ZNF275: variants seen among roughly 807,000 people sequenced by gnomAD.
ZNF275 encodes the protein zinc finger protein 275.
ZNF275 carries 4 observed loss-of-function variants against 4.3 expected under a neutral mutation model. The ratio of observed to expected loss-of-function variants is 0.93; its 90% CI spans 0.46 to 2.13. The LOEUF (loss-of-function observed/expected upper bound fraction) is 2.13, where lower values mean the gene tolerates loss of function less well. ZNF275 is among the 30% of genes most tolerant of loss of function. The probability of loss-of-function intolerance (pLI) is 0.02; values close to 1 mark genes in which losing one functional copy is unlikely to be tolerated. For missense variants in ZNF275, 352 were observed against 397.1 expected (o/e 0.89, Z 0.97); for synonymous variants, 173 against 166.9 (o/e 1.04, Z -0.28).
At chrX:153,337,212 C>T (rs2088451898) in intron 2 of ZNF275, among the ~76,000 whole-genome samples, 1 of 111,628 alleles carries the variant, frequency 9.0e-6, no homozygotes, top group Admixed American at 9.4e-5. Flanking sequence ...GGTGGTCTTG[C>T]TGCCTTTCCC....
chrX:153,335,549 G>C (rs1015066627), intron 1 of ZNF275: 1 of 106,757 alleles, frequency 9.4e-6, no homozygotes, highest in African/African-American at 3.4e-5. Context: ...TTTATATATA[G>C]AACCCTATTG....
At chrX:153,346,712 C>A in intron 3 of ZNF275, 107 bp from the exon 4 acceptor site, 1 of 884,786 alleles carries the variant, frequency 1.1e-6, no homozygotes, top group Non-Finnish European at 1.5e-6. Context: ...CGGGCCCAGG[C>A]CCCGTGCTCA....
intron 2 of ZNF275, among the ~76,000 whole-genome samples, chrX:153,338,851 C>A (rs1277992813): frequency 2.7e-5 from 3 of 110,474 alleles, no homozygotes; most frequent in Non-Finnish European, 3.8e-5. Context: ...TGACACTAAG[C>A]CTCACCCCCA....
chrX:153,340,579 C>T (rs1486162047), intron 2 of ZNF275, among the ~76,000 whole-genome samples: 1 of 112,732 alleles, frequency 8.9e-6, no homozygotes, highest in African/African-American at 3.2e-5. Context: ...AATTGTTATG[C>T]TTTTCTGATA....
intron 1 of ZNF275, among the ~76,000 whole-genome samples, chrX:153,336,238 A>G (rs2088444923): frequency 8.9e-6 from 1 of 112,709 alleles, no homozygotes; most frequent in Non-Finnish European, 1.9e-5. Flanking sequence ...CCACCCACAC[A>G]TACAGAAAAA....
intron 2 of ZNF275, among the ~76,000 whole-genome samples, chrX:153,337,027 G>A (rs972384738): frequency 9.0e-6 from 1 of 111,504 alleles, no homozygotes; most frequent in Non-Finnish European, 1.9e-5. Context: ...GAAGACACCC[G>A]TTGCTCTGGC....
At chrX:153,339,821 G>T (rs782734181) in intron 2 of ZNF275, among the ~76,000 whole-genome samples, 67 of 111,715 alleles carry the variant, frequency 6.0e-4, no homozygotes, top group African/African-American at 2.1e-3. Flanking sequence ...GTGTCTGGAT[G>T]TCACTGCGAT....
intron 1 of ZNF275, among the ~76,000 whole-genome samples, chrX:153,334,765 C>G (rs2088433052): frequency 9.3e-6 from 1 of 107,147 alleles, no homozygotes; most frequent in South Asian, 4.2e-4. Flanking sequence ...GGACTTTTCC[C>G]TGGTCTAGGG....
chrX:153,347,087 C>T lies in ZNF275; in HGVS notation c.402C>T (p.Cys134=), dbSNP rs1017861669. ...AGAAGGGCTGGGAATGTGGCGACTGCGGGAAGGTCTTTAGGGGGGTGGCGG... is the reference window on the plus strand; with the variant it reads ...AGAAGGGCTGGGAATGTGGCGACTGTGGGAAGGTCTTTAGGGGGGTGGCGG... The part of the protein sequence containing the change: ...SEEKGWECGD[C]GKVFRGVAEF... The change falls in exon 4 of 4, where the codon TGC becomes TGT. Residue 134 remains cysteine, a synonymous_variant. Coordinates refer to ENST00000650114, the MANE Select transcript of ZNF275 (RefSeq NM_001367757.1). The T allele has an allele frequency of 8.3e-7, 1 of 1,211,197 alleles. No individual in the cohort carries two copies. Among genetic ancestry groups the T allele is most frequent in the Non-Finnish European group, 1.1e-6 (1 of 895,313 alleles).
rs1398093644 is a variant in ZNF275 at position 153,349,325 on chromosome X, T to A, written c.*1350T>A. 1.6e-5 allele frequency: 2 copies of A among 124,054 alleles called. No individual in the cohort carries two copies. Among genetic ancestry groups the A allele is most frequent in the African/African-American group, 6.5e-5 (2 of 30,979 alleles). The allele number at this position is 124,054 out of a possible 1,213,427, so 10.2% of individuals were successfully genotyped here. The stretch of plus-strand genomic sequence containing the variant: ...TCATTGTCATAGTTATTGCCGTCAT[T>A]CTGTGGCTTGTCAATTCCAGAACTG... On this transcript the variant is annotated 3_prime_UTR_variant, in exon 4 of 4. Coordinates refer to ENST00000650114, the MANE Select transcript of ZNF275 (RefSeq NM_001367757.1).
intron 2 of ZNF275, among the ~76,000 whole-genome samples, chrX:153,337,569 C>T (rs1426869642): frequency 8.9e-6 from 1 of 112,428 alleles, no homozygotes; most frequent in Non-Finnish European, 1.9e-5. Context: ...ATCTAAAGCA[C>T]GTTAGCAGGA....
intron 2 of ZNF275, chrX:153,345,053 A>C: frequency 4.9e-6 from 1 of 203,322 alleles, no homozygotes. Context: ...TGCAAATTGC[A>C]TGGCCATTTG....
intron 3 of ZNF275, among the ~76,000 whole-genome samples, chrX:153,346,353 G>A (rs1449928644): frequency 9.2e-6 from 1 of 109,059 alleles, no homozygotes; most frequent in Non-Finnish European, 1.9e-5. Context: ...GGAGATTCGG[G>A]TTATGTTTGG....
intron 3 of ZNF275, among the ~76,000 whole-genome samples, chrX:153,346,059 T>G (rs1569528046): frequency 9.3e-6 from 1 of 107,889 alleles, no homozygotes; most frequent in Non-Finnish European, 1.9e-5. Context: ...GGGGCCCATT[T>G]GGGCTCCTGG....
rs1309759795 is a variant in ZNF275 at position 153,351,182 on chromosome X, T to C, written c.*3207T>C. 8.1e-6 allele frequency: 1 copy of C among 123,902 alleles called. No individual in the cohort carries two copies. The highest frequency in any genetic ancestry group is 1.9e-5 in the Non-Finnish European group (1 of 53,388). 10.2% of individuals were successfully genotyped at this position (123,902 alleles called of 1,213,427 possible). The stretch of plus-strand genomic sequence containing the variant: ...AACACTAAAGATCTGGTCTTTGCCG[T>C]CAAGGTTGACAGAACAGCTGTTCAT... On this transcript the variant is annotated 3_prime_UTR_variant, in exon 4 of 4. Transcript: ENST00000650114.
At position 153,346,885 on chromosome X, in the gene ZNF275, C is replaced by A. The variant is rs1556961621; in HGVS notation, c.200C>A (p.Thr67Lys). 7.4e-6 allele frequency: 9 copies of A among 1,208,115 alleles called. No homozygotes were observed. Among genetic ancestry groups the A allele is most frequent in the Non-Finnish European group, 9.0e-6 (8 of 893,780 alleles). The change falls in exon 4 of 4, where the codon ACA becomes AAA. Residue 67 changes from threonine (T) to lysine (K), a missense_variant. Coordinates refer to ENST00000650114, the MANE Select transcript of ZNF275 (RefSeq NM_001367757.1). ...GCCCAGCCACAGGAGATGGCGTCCACAAGCTTCCCAAGGGCCAGTGGTCCC... is the reference window on the plus strand; with the variant it reads ...GCCCAGCCACAGGAGATGGCGTCCAAAAGCTTCCCAAGGGCCAGTGGTCCC... ...EDAQPQEMAS[T>K]SFPRASGPSP...
At chrX:153,337,012 C>T (rs984354135) in intron 2 of ZNF275, among the ~76,000 whole-genome samples, 6 of 111,250 alleles carry the variant, frequency 5.4e-5, no homozygotes, top group African/African-American at 2.0e-4. Flanking sequence ...TGAGTGGAAA[C>T]CTTTGAAGAC....
rs782305774 is a variant in ZNF275 at position 153,336,320 on chromosome X, A to G, written c.-46-314A>G. On this transcript the variant is annotated intron_variant, in intron 1 of 3. Coordinates refer to ENST00000650114, the MANE Select transcript of ZNF275 (RefSeq NM_001367757.1). ...GAGACACCCTCTCTTTAGGCCCTTC[A>G]GGATTCTGCTACTTCGAGTAGCAGC... Among the ~76,000 whole-genome samples, 76 of 112,998 alleles carry G rather than the reference A, an allele frequency of 6.7e-4. No homozygotes were observed. In the Admixed American group the frequency reaches 6.9e-3, roughly 10 times the overall value.
At position 153,336,630 on chromosome X, in the gene ZNF275, A is replaced by T. The variant is rs782376058; in HGVS notation, c.-46-4A>T. 247 of 1,152,496 alleles carry T rather than the reference A, an allele frequency of 2.1e-4. No individual in the cohort carries two copies. Among genetic ancestry groups the T allele is most frequent in the Admixed American group, 1.0e-4 (4 of 38,437 alleles). The allele number at this position is 1,152,496 out of a possible 1,213,427, so 95.0% of individuals were successfully genotyped here. A position where few individuals can be genotyped will look rare whatever the true frequency, so the allele number is the denominator to read the frequency against. ...TGTTCACCTGAATTATTGCAATCCA[A>T]CAGATGGGGCCTTACCTGCCAGGCT... On this transcript the variant is annotated splice_region_variant and splice_polypyrimidine_tract_variant and intron_variant, in intron 1 of 3. Coordinates refer to ENST00000650114, the MANE Select transcript of ZNF275 (RefSeq NM_001367757.1).
Sources: allele counts gnomAD v4.1 joint callset (sites outside exome capture counted in the v4.1 genomes callset), GRCh38; gene constraint gnomAD v4.1.1; transcripts MANE v1.5; gene names NCBI Gene and HGNC (gene_info 2026-07-23, HGNC 2026-07-21).